Variants in SLC26A7 observed in about 807,000 individuals in gnomAD.
SLC26A7 encodes solute carrier family 26 member 7.
In SLC26A7, 59 loss-of-function variants were observed where a neutral mutation model predicts 82.5. The observed-to-expected ratio is 0.72, with a 90% CI of 0.58 to 0.89. The LOEUF (loss-of-function observed/expected upper bound fraction) is 0.89, where lower values mean the gene tolerates loss of function less well. Among genes scored for constraint, SLC26A7 ranks in the 40% least tolerant of loss-of-function variants. The probability of loss-of-function intolerance (pLI) is 0.00; values close to 1 mark genes in which losing one functional copy is unlikely to be tolerated. For missense variants in SLC26A7, 820 were observed against 793.0 expected (o/e 1.03, Z -0.41); for synonymous variants, 271 against 274.3 (o/e 0.99, Z 0.12).
At chr8:91,328,192 A>G (rs563472219) in intron 5 of SLC26A7, among the ~76,000 whole-genome samples, 8 of 152,192 alleles carry the variant, frequency 5.3e-5, no homozygotes, top group Non-Finnish European at 8.8e-5. Context: ...TTCTTCCTGC[A>G]TAGGTATTTC....
chr8:91,213,385 C>T (rs1258819568), intron 1 of SLC26A7, among the ~76,000 whole-genome samples: 1 of 152,036 alleles, frequency 6.6e-6, no homozygotes, highest in Non-Finnish European at 1.5e-5. Flanking sequence ...TTGGCAAATC[C>T]CAATGTATGG....
intron 2 of SLC26A7, among the ~76,000 whole-genome samples, chr8:91,237,956 G>A (rs1254704179): frequency 1.3e-5 from 2 of 152,020 alleles, no homozygotes; most frequent in African/African-American, 2.4e-5. Flanking sequence ...TCACCTTATT[G>A]TGGTGGATTC....
chr8:91,371,118 T>C (rs963041620), intron 15 of SLC26A7, among the ~76,000 whole-genome samples: 4 of 151,888 alleles, frequency 2.6e-5, no homozygotes, highest in African/African-American at 7.2e-5. Context: ...AATAACATGA[T>C]TTTTAAAAGA....
chr8:91,328,530 C>A (rs1812993220), intron 5 of SLC26A7, among the ~76,000 whole-genome samples: 2 of 152,100 alleles, frequency 1.3e-5, no homozygotes, highest in Non-Finnish European at 2.9e-5. Flanking sequence ...TGGATCCTTT[C>A]TCTTCTTGCT....
At chr8:91,261,438 G>T (rs1400420111) in intron 2 of SLC26A7, among the ~76,000 whole-genome samples, 1 of 152,034 alleles carries the variant, frequency 6.6e-6, no homozygotes, top group Non-Finnish European at 1.5e-5. Context: ...TGGAGTATTG[G>T]TTTCAGCCAC....
chr8:91,350,103 T>G (rs1813672153), intron 9 of SLC26A7, among the ~76,000 whole-genome samples: 1 of 152,172 alleles, frequency 6.6e-6, no homozygotes. Context: ...TTTTCCCCTT[T>G]GTATGCTGAC....
chr8:91,330,676 A>T lies in SLC26A7; in HGVS notation c.643-3619A>T, dbSNP rs1398378132. The stretch of plus-strand genomic sequence containing the variant: ...GTTCAAGAGAAGGAGAAGTTAAGAG[A>T]CATTTTGGAAATAATCATATAAGGA... On this transcript the variant is annotated intron_variant, in intron 5 of 18. Coordinates refer to ENST00000276609, the MANE Select transcript of SLC26A7 (RefSeq NM_052832.4). Among the ~76,000 whole-genome samples the T allele has an allele frequency of 4.6e-5, 7 of 152,282 alleles. No homozygotes were observed. The East Asian group carries it at 1.2e-3, about 25-fold the overall frequency.
intron 1 of SLC26A7, among the ~76,000 whole-genome samples, chr8:91,213,511 TA>T (rs1342968794): frequency 6.6e-6 from 1 of 152,186 alleles, no homozygotes. Flanking sequence ...GGGCCTGCTT[TA>T]AGCAGGGAAC....
At chr8:91,268,300 A>G (rs1563651715) in intron 2 of SLC26A7, among the ~76,000 whole-genome samples, 1 of 151,924 alleles carries the variant, frequency 6.6e-6, no homozygotes, top group South Asian at 2.1e-4. Flanking sequence ...TTTGATTTAT[A>G]TATTTGGGTG....
At chr8:91,252,915 A>T (rs780505972) in intron 2 of SLC26A7, among the ~76,000 whole-genome samples, 32 of 151,960 alleles carry the variant, frequency 2.1e-4, no homozygotes, top group Non-Finnish European at 3.4e-4. Flanking sequence ...TTTGGAAGCT[A>T]TGTATTGGAG....
At chr8:91,247,711 AATTC>A (rs768943886), upstream of SLC26A7, among the ~76,000 whole-genome samples, 39 of 152,172 alleles carry the variant, frequency 2.6e-4, no homozygotes, top group Non-Finnish European at 5.0e-4. Flanking sequence ...ATTTACCTTC[AATTC>A]ATAAAATCCT....
chr8:91,259,638 A>G (rs1810906335), intron 2 of SLC26A7, among the ~76,000 whole-genome samples: 1 of 152,040 alleles, frequency 6.6e-6, no homozygotes, highest in South Asian at 2.1e-4. Flanking sequence ...ATTGGACCGC[A>G]CTTAGTATTC....
chr8:91,291,031 G>T (rs894200854), intron 3 of SLC26A7, among the ~76,000 whole-genome samples: 3 of 152,016 alleles, frequency 2.0e-5, no homozygotes, highest in Non-Finnish European at 4.4e-5. Context: ...TATTTAATCT[G>T]TAGGTAATAT....
chr8:91,246,333 C>T (rs1245747343), upstream of SLC26A7, among the ~76,000 whole-genome samples: 1 of 152,106 alleles, frequency 6.6e-6, no homozygotes, highest in African/African-American at 2.4e-5. Context: ...TCTCATGAGT[C>T]AGACTGGATA....
upstream of SLC26A7, among the ~76,000 whole-genome samples, chr8:91,247,087 G>T (rs554761609): frequency 2.6e-5 from 4 of 152,254 alleles, no homozygotes; most frequent in African/African-American, 7.2e-5. Context: ...GAGCAGAGAA[G>T]GACTGCATTG....
chr8:91,237,756 A>C (rs558404659), intron 2 of SLC26A7, among the ~76,000 whole-genome samples: 38 of 152,270 alleles, frequency 2.5e-4, no homozygotes, highest in South Asian at 1.2e-3. Flanking sequence ...TCACTCTTCA[A>C]CTGCAATCTG....
chr8:91,334,242 G>A lies in SLC26A7; in HGVS notation c.643-53G>A, dbSNP rs534733276. ...TTTATTGGGGCCATATTTTCATGTTGGTATATTATAGGTGACCCTGAATTT... is the reference window on the plus strand; with the variant it reads ...TTTATTGGGGCCATATTTTCATGTTAGTATATTATAGGTGACCCTGAATTT... On this transcript the variant is annotated intron_variant, in intron 5 of 18. Coordinates refer to ENST00000276609, the MANE Select transcript of SLC26A7 (RefSeq NM_052832.4). 3.4e-5 allele frequency: 51 copies of A among 1,482,894 alleles called. No individual in the cohort carries two copies. In the African/African-American group the frequency reaches 6.1e-4, roughly 18 times the overall value. 91.9% of individuals were successfully genotyped at this position (1,482,894 alleles called of 1,614,324 possible).
At chr8:91,257,763 A>T (rs1810845015) in intron 2 of SLC26A7, among the ~76,000 whole-genome samples, 1 of 151,974 alleles carries the variant, frequency 6.6e-6, no homozygotes, top group African/African-American at 2.4e-5. Context: ...TGTTCCATAG[A>T]TAAACATGTG....
intron 2 of SLC26A7, among the ~76,000 whole-genome samples, chr8:91,255,273 G>T (rs536264575): frequency 6.6e-6 from 1 of 152,174 alleles, no homozygotes; most frequent in South Asian, 2.1e-4. Context: ...AAAGATGGAT[G>T]TTCCTTATAA....
Sources: gnomAD v4.1 joint callset for allele counts (sites outside exome capture counted in the v4.1 genomes callset) on GRCh38, gnomAD v4.1.1 for gene constraint, MANE v1.5 for transcripts, NCBI Gene and HGNC (gene_info 2026-07-23, HGNC 2026-07-21) for gene names.